Variants in KIAA1217 observed in about 807,000 individuals in gnomAD.
KIAA1217 encodes the protein sickle tail protein homolog.
Under a neutral mutation model 163.9 loss-of-function variants are expected in KIAA1217, and 88 were observed. That is an observed-to-expected ratio of 0.54 (90% CI 0.45 to 0.64). The LOEUF (loss-of-function observed/expected upper bound fraction) is 0.64. KIAA1217 is among the 30% of genes least tolerant of loss of function. The pLI is 0.00. For missense variants in KIAA1217, 2,372 were observed against 2,475.0 expected (o/e 0.96, Z 0.88); for synonymous variants, 903 against 923.1 (o/e 0.98, Z 0.39).
Position 24,028,104 on chromosome 10 carries a change from C to G in KIAA1217, c.-171+20730C>G, listed in dbSNP as rs145081437. ...ATTATCTAGCTCTAAATCATTAAGA[C>G]AGCAAACATAGAGATGGACAAGTAG... On this transcript the variant is annotated intron_variant, in intron 2 of 18. Transcript: ENST00000376462. Among the ~76,000 whole-genome samples the G allele has an allele frequency of 8.1e-3, 1,238 of 152,060 alleles. 23 individuals carry two copies. Among genetic ancestry groups the G allele is most frequent in the African/African-American group, 0.029 (1,185 of 41,464 alleles).
chr10:23,779,815 A>G (rs1246523276), intron 1 of KIAA1217, among the ~76,000 whole-genome samples: 1 of 152,220 alleles, frequency 6.6e-6, no homozygotes, highest in African/African-American at 2.4e-5. Flanking sequence ...GGTATATGAC[A>G]GTGTTCCCAT....
chr10:24,497,752 G>T (rs2066988923), intron 8 of KIAA1217, among the ~76,000 whole-genome samples: 1 of 151,194 alleles, frequency 6.6e-6, no homozygotes. Flanking sequence ...AGCCTGACTG[G>T]CTGATAATTG....
intron 2 of KIAA1217, among the ~76,000 whole-genome samples, chr10:24,238,084 C>T (rs2072528209): frequency 1.3e-5 from 2 of 152,324 alleles, no homozygotes; most frequent in South Asian, 2.1e-4. Context: ...AAGACAGATG[C>T]ACTGAATATG....
At chr10:23,926,348 C>T (rs1238157663) in intron 1 of KIAA1217, among the ~76,000 whole-genome samples, 1 of 152,192 alleles carries the variant, frequency 6.6e-6, no homozygotes, top group Non-Finnish European at 1.5e-5. Flanking sequence ...AGGATTAATA[C>T]ACATCTCATA....
At chr10:23,952,050 A>T (rs892258376) in intron 1 of KIAA1217, among the ~76,000 whole-genome samples, 1 of 152,182 alleles carries the variant, frequency 6.6e-6, no homozygotes, top group Non-Finnish European at 1.5e-5. Context: ...CGAAAGGCTG[A>T]TGTTTCCCCT....
At chr10:23,980,711 G>T (rs1832311) in intron 1 of KIAA1217, among the ~76,000 whole-genome samples, 93,421 of 152,058 alleles carry the variant, frequency 0.61, 30,756 homozygotes, top group African/African-American at 0.87. Flanking sequence ...CTGAGAGCTT[G>T]GTGTTCATTG....
At chr10:24,226,630 A>G (rs1236791485) in intron 2 of KIAA1217, among the ~76,000 whole-genome samples, 2 of 152,010 alleles carry the variant, frequency 1.3e-5, no homozygotes, top group Non-Finnish European at 2.9e-5. Context: ...TGACAGAGCG[A>G]GACTCCATCT....
chr10:24,215,660 T>C (rs1045754233), intron 1 of KIAA1217, among the ~76,000 whole-genome samples: 1 of 152,214 alleles, frequency 6.6e-6, no homozygotes, highest in African/African-American at 2.4e-5. Context: ...CTTAAATGGC[T>C]GGAATGGCAG....
chr10:24,428,406 A>T (rs2131686794), intron 3 of KIAA1217, among the ~76,000 whole-genome samples: 2 of 152,308 alleles, frequency 1.3e-5, no homozygotes, highest in East Asian at 1.9e-4. Context: ...TTCCCTGAAA[A>T]AGCTGAGGGT....
rs1236034990 is a variant in KIAA1217 at position 23,968,839 on chromosome 10, G to A, written c.-320-38386G>A. On this transcript the variant is annotated intron_variant, in intron 1 of 18. Coordinates refer to the KIAA1217 transcript ENST00000376462. ...TTTTATTGCCAAACAATATTTCATT[G>A]GTAAAGATACACTATATTTTATTTA... 2.6e-5 allele frequency among the ~76,000 whole-genome samples: 4 copies of A among 151,958 alleles called. 1 individual carries two copies. The highest frequency in any genetic ancestry group is 5.9e-5 in the Non-Finnish European group (4 of 68,004).
intron 2 of KIAA1217, among the ~76,000 whole-genome samples, chr10:24,323,165 A>G (rs1324427791): frequency 6.6e-6 from 1 of 152,102 alleles, no homozygotes; most frequent in African/African-American, 2.4e-5. Context: ...TATGTTGCCC[A>G]GAATGGTCTT....
intron 2 of KIAA1217, among the ~76,000 whole-genome samples, chr10:24,232,671 T>C (rs996339389): frequency 6.6e-6 from 1 of 152,188 alleles, no homozygotes; most frequent in African/African-American, 2.4e-5. Flanking sequence ...GAACTCATAC[T>C]GCAAATGTCC....
intron 3 of KIAA1217, among the ~76,000 whole-genome samples, chr10:24,383,444 G>C (rs2053583836): frequency 6.6e-6 from 1 of 152,248 alleles, no homozygotes. Context: ...GGGCAGAGAG[G>C]CTGCAGGAGC....
intron 8 of KIAA1217, among the ~76,000 whole-genome samples, chr10:24,498,268 G>T (rs1421578643): frequency 1.3e-5 from 2 of 152,148 alleles, no homozygotes; most frequent in African/African-American, 4.8e-5. Context: ...AGTTAGAAAA[G>T]AGATTGACCA....
chr10:23,857,188 T>C (rs1055282175), intron 1 of KIAA1217, among the ~76,000 whole-genome samples: 1 of 152,184 alleles, frequency 6.6e-6, no homozygotes, highest in Non-Finnish European at 1.5e-5. Context: ...ATATGAAATT[T>C]GGGTAGGGAT....
intron 2 of KIAA1217, among the ~76,000 whole-genome samples, chr10:24,153,561 A>G (rs2064725566): frequency 6.6e-6 from 1 of 152,172 alleles, no homozygotes; most frequent in African/African-American, 2.4e-5. Flanking sequence ...CCGAGCTACT[A>G]AGGTTTTAAG....
chr10:24,179,452 G>A (rs1225967986), intron 2 of KIAA1217, among the ~76,000 whole-genome samples: 1 of 152,108 alleles, frequency 6.6e-6, no homozygotes, highest in Non-Finnish European at 1.5e-5. Flanking sequence ...AGATGTGGCT[G>A]CTTGCCCTCC....
intron 2 of KIAA1217, among the ~76,000 whole-genome samples, chr10:24,036,663 G>C (rs1479725919): frequency 6.6e-6 from 1 of 152,206 alleles, no homozygotes; most frequent in Non-Finnish European, 1.5e-5. Context: ...CAGGGCAAGA[G>C]AGAGAGCAAG....
chr10:23,893,072 G>T lies in KIAA1217; in HGVS notation c.-320-114153G>T, dbSNP rs1188944993. Among the ~76,000 whole-genome samples the T allele has an allele frequency of 3.3e-5, 5 of 152,146 alleles. 1 individual carries two copies. Among genetic ancestry groups the T allele is most frequent in the Admixed American group, 2.6e-4 (4 of 15,280 alleles). On this transcript the variant is annotated intron_variant, in intron 1 of 18. Transcript: ENST00000376462. ...AATAGTTTCAGAAGGAATGGTACCAGTTCCTCCTTGTACCTCTGGTAGAAT... is the reference window on the plus strand; with the variant it reads ...AATAGTTTCAGAAGGAATGGTACCATTTCCTCCTTGTACCTCTGGTAGAAT...
Sources: allele counts gnomAD v4.1 joint callset (sites outside exome capture counted in the v4.1 genomes callset), GRCh38; gene constraint gnomAD v4.1.1; transcripts MANE v1.5; gene names NCBI Gene and HGNC (gene_info 2026-07-23, HGNC 2026-07-21).